The following DYNC2I1 variants were observed in gnomAD, a reference collection of about 807,000 sequenced individuals.
DYNC2I1 encodes the protein cytoplasmic dynein 2 intermediate chain 1.
DYNC2I1 carries 89 observed loss-of-function variants against 133.4 expected under a neutral mutation model. That is an observed-to-expected ratio of 0.67 (90% CI 0.56 to 0.80). The LOEUF (loss-of-function observed/expected upper bound fraction) is 0.80, where lower values mean the gene tolerates loss of function less well. DYNC2I1 is among the 30% of genes least tolerant of loss of function. The probability of loss-of-function intolerance (pLI) is 0.00; values close to 1 mark genes in which losing one functional copy is unlikely to be tolerated. For synonymous variants in DYNC2I1, 504 were observed against 484.3 expected, an observed-to-expected ratio of 1.04 and a Z score of -0.54; for missense variants, 1,291 against 1,314.5, an observed-to-expected ratio of 0.98 and a Z score of 0.28.
At chr7:158,907,909 G>A (rs753505497) in intron 11 of DYNC2I1, among the ~76,000 whole-genome samples, 1 of 152,122 alleles carries the variant, frequency 6.6e-6, no homozygotes, top group South Asian at 2.1e-4. Context: ...TGCTGTGCCC[G>A]GCTGGTAATC....
At chr7:158,901,925 A>G (rs1846296545) in intron 9 of DYNC2I1, 109 bp downstream of exon 9, 1 of 849,326 alleles carries the variant, frequency 1.2e-6, no homozygotes, top group Admixed American at 3.4e-5. Flanking sequence ...TAATCCTAAT[A>G]CTCAATATCT....
chr7:158,916,200 T>C (rs1848252122), intron 14 of DYNC2I1, among the ~76,000 whole-genome samples: 1 of 81,358 alleles, frequency 1.2e-5, no homozygotes, highest in Non-Finnish European at 3.0e-5. Context: ...ACATTAAGGA[T>C]GATTGTGAAA....
upstream of DYNC2I1, among the ~76,000 whole-genome samples, chr7:158,853,499 C>G (rs1841099444): frequency 6.6e-6 from 1 of 152,146 alleles, no homozygotes; most frequent in Admixed American, 6.5e-5. Flanking sequence ...GTTGAACAGT[C>G]TTTCGTTTTA....
At chr7:158,872,474 A>G (rs1416392635) in intron 3 of DYNC2I1, among the ~76,000 whole-genome samples, 1 of 151,856 alleles carries the variant, frequency 6.6e-6, no homozygotes, top group Non-Finnish European at 1.5e-5. Context: ...CTCTACTAAA[A>G]ATACAAAAAA....
Position 158,945,458 on chromosome 7 carries a change from G to A in DYNC2I1, c.3003-123G>A. The A allele has an allele frequency of 8.9e-7, 1 of 1,118,122 alleles. No individual in the cohort carries two copies. Among genetic ancestry groups the A allele is most frequent in the Non-Finnish European group, 1.2e-6 (1 of 802,490 alleles). 69.3% of individuals were successfully genotyped at this position (1,118,122 alleles called of 1,614,324 possible). A position where few individuals can be genotyped will look rare whatever the true frequency, so the allele number is the denominator to read the frequency against. ...GGTCTAGCTTTCATTTTGGCTATTG[G>A]TATTTTTAGAATTTCTCATCCGTTT... On this transcript the variant is annotated intron_variant, in intron 24 of 24. Transcript: ENST00000407559. The surrounding 1 kb of genome is among the most constrained non-coding windows in gnomAD (Gnocchi z 4.1).
At chr7:158,865,954 C>T (rs939046439) in intron 1 of DYNC2I1, among the ~76,000 whole-genome samples, 4 of 152,086 alleles carry the variant, frequency 2.6e-5, no homozygotes, top group Non-Finnish European at 5.9e-5. Context: ...GAGTTTTAAG[C>T]GCTCCAAAGT....
intron 9 of DYNC2I1, 68 bp downstream of exon 9, chr7:158,901,884 A>G: frequency 8.4e-7 from 1 of 1,193,044 alleles, no homozygotes; most frequent in South Asian, 1.5e-5. Flanking sequence ...GCTTATATAT[A>G]GTAATTTGAT....
At chr7:158,857,963 G>C (rs185727530) in intron 1 of DYNC2I1, among the ~76,000 whole-genome samples, 262 of 152,082 alleles carry the variant, frequency 1.7e-3, no homozygotes, top group Middle Eastern at 6.8e-3. Context: ...GCTAATTTTT[G>C]TATTTTTAGT....
chr7:158,854,377 C>A (rs1841118632), upstream of DYNC2I1, among the ~76,000 whole-genome samples: 1 of 151,856 alleles, frequency 6.6e-6, no homozygotes, highest in African/African-American at 2.4e-5. Context: ...GGGTTTGCAT[C>A]ATTCTCAGCA....
intron 17 of DYNC2I1, among the ~76,000 whole-genome samples, chr7:158,925,565 C>G (rs552723623): frequency 6.6e-6 from 1 of 152,160 alleles, no homozygotes; most frequent in East Asian, 1.9e-4. Context: ...CGTTTTTCTA[C>G]TTGTAGACAT....
intron 17 of DYNC2I1, among the ~76,000 whole-genome samples, chr7:158,924,007 C>G (rs531222328): frequency 6.6e-6 from 1 of 152,298 alleles, no homozygotes; most frequent in African/African-American, 2.4e-5. Flanking sequence ...TTTAAAGTAG[C>G]TTGAGGCATC....
At chr7:158,911,963 T>G (rs1381124713) in intron 12 of DYNC2I1, among the ~76,000 whole-genome samples, 1 of 152,172 alleles carries the variant, frequency 6.6e-6, no homozygotes, top group Non-Finnish European at 1.5e-5. Flanking sequence ...AGTGAAGCTT[T>G]ATGCTGTGCA....
At chr7:158,926,049 G>C in intron 17 of DYNC2I1, 138 bp from the exon 18 acceptor site, 1 of 671,602 alleles carries the variant, frequency 1.5e-6, no homozygotes, top group Non-Finnish European at 2.6e-6. Flanking sequence ...TGTTGGTTTT[G>C]GGGTGTTTTG....
intron 13 of DYNC2I1, 46 bp downstream of exon 13, chr7:158,913,142 C>A (rs1331837622): frequency 1.4e-6 from 2 of 1,394,308 alleles, no homozygotes; most frequent in Non-Finnish European, 2.0e-6. Flanking sequence ...TCTTTACATT[C>A]TTTTTTGTTT....
intron 11 of DYNC2I1, among the ~76,000 whole-genome samples, chr7:158,910,335 G>C (rs1468713160): frequency 6.7e-6 from 1 of 150,004 alleles, no homozygotes; most frequent in Admixed American, 6.6e-5. Context: ...AGGTCTGTGG[G>C]TGGAGCATGA....
chr7:158,935,930 T>A (rs1850709091), intron 23 of DYNC2I1, among the ~76,000 whole-genome samples: 1 of 152,114 alleles, frequency 6.6e-6, no homozygotes, highest in African/African-American at 2.4e-5. Flanking sequence ...CTGGGCACGG[T>A]GGCCCAAATC....
intron 11 of DYNC2I1, among the ~76,000 whole-genome samples, chr7:158,907,273 C>CTTTTTTTTTTT (rs36062364): frequency 1.0e-5 from 1 of 99,746 alleles, no homozygotes; most frequent in Non-Finnish European, 2.0e-5. Flanking sequence ...CCATGGCCTT[C>CTTTTTTTTTTT]TTTTTTTTTT....
At chr7:158,902,229 A>G (rs945879203) in intron 9 of DYNC2I1, 147 bp from the exon 10 acceptor site, 2 of 694,232 alleles carry the variant, frequency 2.9e-6, no homozygotes, top group Non-Finnish European at 4.7e-6. Flanking sequence ...CAAAAACATT[A>G]AAATCAGGGA....
intron 19 of DYNC2I1, 81 bp downstream of exon 19, chr7:158,926,544 G>A (rs2129487041): frequency 2.0e-6 from 3 of 1,466,536 alleles, no homozygotes; most frequent in South Asian, 2.4e-5. Context: ...TGGCGCAGGG[G>A]GCGGGACCCA....
Sources: gnomAD v4.1 joint callset for allele counts (sites outside exome capture counted in the v4.1 genomes callset) on GRCh38, gnomAD v4.1.1 for gene constraint, Gnocchi (gnomAD v3.1) non-coding constraint, MANE v1.5 for transcripts, NCBI Gene and HGNC (gene_info 2026-07-23, HGNC 2026-07-21) for gene names.